IMPG2: variants seen among roughly 807,000 people sequenced by gnomAD.
IMPG2 encodes IPM 200.
Under a neutral mutation model 129.2 loss-of-function variants are expected in IMPG2, and 91 were observed. That is an observed-to-expected ratio of 0.70 (90% CI 0.59 to 0.84). IMPG2 has a LOEUF of 0.84. IMPG2 is among the 40% of genes least tolerant of loss of function. The pLI is 0.00. For missense variants in IMPG2, 1,430 were observed against 1,461.7 expected, an observed-to-expected ratio of 0.98 and a Z score of 0.35; for synonymous variants, 510 against 517.7, an observed-to-expected ratio of 0.99 and a Z score of 0.20.
chr3:101,299,769 G>A (rs1231182160), intron 3 of IMPG2, among the ~76,000 whole-genome samples: 2 of 152,154 alleles, frequency 1.3e-5, no homozygotes, highest in African/African-American at 4.8e-5. Flanking sequence ...AAAGATGGGT[G>A]CCTGCTCCTT....
At chr3:101,249,183 C>A (rs1307620197) in intron 11 of IMPG2, among the ~76,000 whole-genome samples, 1 of 152,166 alleles carries the variant, frequency 6.6e-6, no homozygotes, top group Non-Finnish European at 1.5e-5. Flanking sequence ...TCTCTGCATA[C>A]CTCAACATTC....
intron 4 of IMPG2, among the ~76,000 whole-genome samples, chr3:101,277,529 A>G (rs1329879743): frequency 6.6e-6 from 1 of 152,224 alleles, no homozygotes; most frequent in Non-Finnish European, 1.5e-5. Flanking sequence ...TGCTAGAAGG[A>G]ACATAAAACC....
chr3:101,244,736 G>A lies in IMPG2; in HGVS notation c.1595C>T (p.Pro532Leu), dbSNP rs752926321. 39 of 1,614,008 alleles carry A rather than the reference G, an allele frequency of 2.4e-5. No homozygotes were observed. Among genetic ancestry groups the A allele is most frequent in the Non-Finnish European group, 3.2e-5 (38 of 1,179,920 alleles). The change falls in exon 13 of 19, where the codon CCT becomes CTT. Residue 532 changes from proline (P) to leucine (L), a missense_variant. Coordinates refer to ENST00000193391, the MANE Select transcript of IMPG2 (RefSeq NM_016247.4). Reference protein sequence around the residue: ...SEDFLSIDSLPSSSFTQPVPK... With the variant: ...SEDFLSIDSLLSSSFTQPVPK... ...CACAGGTTGAGTGAATGAACTTGAA[G>A]GCAATGAATCAATAGAAAGAAAATC...
chr3:101,280,498 G>A (rs115886790), intron 4 of IMPG2, among the ~76,000 whole-genome samples: 1,875 of 152,160 alleles, frequency 0.012, 42 homozygotes, highest in African/African-American at 0.043. Context: ...ACACCTCCAC[G>A]TCTGCCTATT....
intron 4 of IMPG2, among the ~76,000 whole-genome samples, chr3:101,282,671 T>C (rs777030880): frequency 3.3e-5 from 5 of 152,166 alleles, no homozygotes; most frequent in Admixed American, 6.5e-5. Context: ...CCCAATTTCA[T>C]TGTGAGAAAC....
rs1312912591 is a variant in IMPG2 at position 101,282,345 on chromosome 3, T to A, written c.534-5632A>T. 3.9e-5 allele frequency among the ~76,000 whole-genome samples: 6 copies of A among 152,242 alleles called. No individual in the cohort carries two copies. In the South Asian group the frequency reaches 6.2e-4, roughly 16 times the overall value. On this transcript the variant is annotated intron_variant, in intron 4 of 18. Coordinates refer to ENST00000193391, the MANE Select transcript of IMPG2 (RefSeq NM_016247.4). The stretch of plus-strand genomic sequence containing the variant: ...TAGCCCCATGTCATCCCCTTCAGCA[T>A]CTCCCACAGTCGGCAGTCTCCACCC...
rs1420884832 is a variant in IMPG2, at chr3:101,306,691, A to ATAGGGAAAATATCTTT, written c.335-2380_335-2379insAAAGATATTTTCCCTA. On this transcript the variant is annotated intron_variant, in intron 2 of 18. Transcript: ENST00000193391. ...CAATGTTTGAAAAAAATAACTATCT[A>ATAGGGAAAATATCTTT]CCCATAGGGAAAGAAAAAATAAATC... is the stretch of plus-strand genomic sequence containing the variant. Among the ~76,000 whole-genome samples the ATAGGGAAAATATCTTT allele has an allele frequency of 1.2e-3, 188 of 152,240 alleles. 1 individual carries two copies. Among genetic ancestry groups the ATAGGGAAAATATCTTT allele is most frequent in the Non-Finnish European group, 1.3e-3 (85 of 68,000 alleles).
rs1309856450 is a variant in IMPG2 at position 101,226,234 on chromosome 3, TA to T, written c.*734del. The T allele has an allele frequency of 2.2e-4, 1 of 4,582 alleles. No homozygotes were observed. Among genetic ancestry groups the T allele is most frequent in the African/African-American group, 5.5e-4 (1 of 1,802 alleles). 0.3% of individuals were successfully genotyped at this position (4,582 alleles called of 1,614,324 possible). On this transcript the variant is annotated 3_prime_UTR_variant, in exon 19 of 19. Coordinates refer to ENST00000193391, the MANE Select transcript of IMPG2 (RefSeq NM_016247.4). ...GGGAATCTTCTAAACTTTATATATA[TA>T]TATATATATATATATATATATATAT...
chr3:101,315,729 A>C (rs1298334881), intron 2 of IMPG2, among the ~76,000 whole-genome samples: 2 of 152,146 alleles, frequency 1.3e-5, no homozygotes, highest in Admixed American at 6.6e-5. Context: ...ACTGATCTAT[A>C]GAATGAAACA....
chr3:101,241,519 G>C (rs1030630713), intron 14 of IMPG2, among the ~76,000 whole-genome samples: 3 of 152,196 alleles, frequency 2.0e-5, no homozygotes, highest in African/African-American at 7.2e-5. Flanking sequence ...AGCCATTCAA[G>C]AGTACCATGG....
At chr3:101,298,166 C>T (rs2107132223) in intron 3 of IMPG2, among the ~76,000 whole-genome samples, 1 of 151,780 alleles carries the variant, frequency 6.6e-6, no homozygotes, top group Middle Eastern at 3.4e-3. Flanking sequence ...CCTTCTTTGT[C>T]TTTTTTTATC....
intron 18 of IMPG2, among the ~76,000 whole-genome samples, chr3:101,227,210 G>A (rs897333132): frequency 6.6e-6 from 1 of 151,912 alleles, no homozygotes; most frequent in Admixed American, 6.6e-5. Context: ...CATTTTTTCG[G>A]CTACCTGATA....
intron 4 of IMPG2, among the ~76,000 whole-genome samples, chr3:101,284,117 AG>A (rs1198120908): frequency 1.3e-5 from 2 of 152,236 alleles, no homozygotes; most frequent in African/African-American, 4.8e-5. Context: ...GGAAATATAA[AG>A]CATGATCACA....
At chr3:101,318,159 A>G (rs1175316181) in intron 2 of IMPG2, among the ~76,000 whole-genome samples, 5 of 18,646 alleles carry the variant, frequency 2.7e-4, no homozygotes, top group African/African-American at 6.2e-4. Context: ...AAATAATAAT[A>G]ATAATAATAA....
At chr3:101,244,868 GT>G in intron 12 of IMPG2, 81 bp from the exon 13 acceptor site, 1 of 1,218,072 alleles carries the variant, frequency 8.2e-7, no homozygotes, top group Non-Finnish European at 1.2e-6. Context: ...CTAGTTGCCT[GT>G]TTTTTCCCTG....
chr3:101,292,250 T>G (rs1444510627), intron 3 of IMPG2, among the ~76,000 whole-genome samples: 1 of 152,098 alleles, frequency 6.6e-6, no homozygotes, highest in Non-Finnish European at 1.5e-5. Context: ...CTCTACAGAC[T>G]CTCCCAGAAT....
rs574094690 is a variant in IMPG2 at position 101,300,810 on chromosome 3, C to G, written c.501+3336G>C. 2.4e-4 allele frequency among the ~76,000 whole-genome samples: 37 copies of G among 152,374 alleles called. 1 individual carries two copies. In the South Asian group the frequency reaches 4.3e-3, roughly 18 times the overall value. On this transcript the variant is annotated intron_variant, in intron 3 of 18. Transcript: ENST00000193391. ...AGTTGGCCATCTTGGCCCCGCCCCC[C>G]ACTTTTAATTTCTTTCAAGAACTTT... is the stretch of plus-strand genomic sequence containing the variant.
intron 2 of IMPG2, among the ~76,000 whole-genome samples, chr3:101,314,748 T>A (rs957752143): frequency 1.3e-5 from 2 of 152,090 alleles, no homozygotes; most frequent in African/African-American, 4.8e-5. Context: ...AATGAATAAA[T>A]GAATGAATAA....
At chr3:101,318,446 T>C (rs1164983003) in intron 2 of IMPG2, among the ~76,000 whole-genome samples, 1 of 152,012 alleles carries the variant, frequency 6.6e-6, no homozygotes, top group African/African-American at 2.4e-5. Context: ...GCTGCCAATA[T>C]ACATTGTACT....
Sources: gnomAD v4.1 joint callset for allele counts (sites outside exome capture counted in the v4.1 genomes callset) on GRCh38, gnomAD v4.1.1 for gene constraint, MANE v1.5 for transcripts, NCBI Gene and HGNC (gene_info 2026-07-23, HGNC 2026-07-21) for gene names.